CHODL: variants seen among roughly 807,000 people sequenced by gnomAD.
CHODL encodes chondrolectin.
Under a neutral mutation model 34.5 loss-of-function variants are expected in CHODL, and 29 were observed. The ratio of observed to expected loss-of-function variants is 0.84; its 90% CI spans 0.63 to 1.15. The LOEUF (loss-of-function observed/expected upper bound fraction) is 1.15. Among genes scored for constraint, CHODL ranks in the 50% most tolerant of loss-of-function variants. The pLI, the probability that CHODL is intolerant of heterozygous loss-of-function variation, is 0.00. For missense variants in CHODL, 332 were observed against 332.5 expected (o/e 1.00, Z 0.01); for synonymous variants, 125 against 116.1 (o/e 1.08, Z -0.49).
chr21:18,028,794 T>C (rs565353478), intron 2 of CHODL, among the ~76,000 whole-genome samples: 2 of 150,464 alleles, frequency 1.3e-5, no homozygotes, highest in East Asian at 3.9e-4. Context: ...ATCCAGCAAA[T>C]ATTTGTTGAA....
intron 2 of CHODL, among the ~76,000 whole-genome samples, chr21:18,126,049 C>A (rs2065539953): frequency 6.6e-6 from 1 of 152,172 alleles, no homozygotes; most frequent in Non-Finnish European, 1.5e-5. Context: ...ATAGTCCCAG[C>A]TATGCAGGAG....
At chr21:17,935,487 T>G (rs1174932378) in intron 1 of CHODL, among the ~76,000 whole-genome samples, 1 of 152,204 alleles carries the variant, frequency 6.6e-6, no homozygotes, top group Non-Finnish European at 1.5e-5. Flanking sequence ...GATGACTCTC[T>G]TCTGGTGTGC....
intron 2 of CHODL, among the ~76,000 whole-genome samples, chr21:18,065,344 A>G (rs149103468): frequency 6.6e-6 from 1 of 152,326 alleles, no homozygotes; most frequent in East Asian, 1.9e-4. Flanking sequence ...CTTGGACCAT[A>G]ACATGCACCA....
At position 18,262,792 on chromosome 21, in the gene CHODL, T is replaced by C. The variant is rs768113532; in HGVS notation, c.636T>C (p.Gly212=). 3 of 1,532,088 alleles carry C rather than the reference T, an allele frequency of 2.0e-6. No individual in the cohort carries two copies. The highest frequency in any genetic ancestry group is 3.4e-5 in the Admixed American group (2 of 59,696). The allele number at this position is 1,532,088 out of a possible 1,614,324, so 94.9% of individuals were successfully genotyped here. A position where few individuals can be genotyped will look rare whatever the true frequency, so the allele number is the denominator to read the frequency against. ...THQNVVVTEA[G]IIPNLIYVVI... is the part of the protein sequence containing the mutation. ...CATGAAGACTGTTTTATTTTGTAGG[T>C]ATAATTCCCAATCTAATTTATGTTG... The change falls in exon 5 of 6, where the codon GGT becomes GGC. Residue 212 remains glycine (G), a splice_region_variant and synonymous_variant. Transcript: ENST00000299295.
At chr21:18,158,723 A>G (rs946929260) in intron 2 of CHODL, among the ~76,000 whole-genome samples, 4 of 151,908 alleles carry the variant, frequency 2.6e-5, no homozygotes, top group African/African-American at 9.7e-5. Flanking sequence ...CTGTAATCCC[A>G]GCTACTCGGG....
chr21:18,152,047 T>C (rs1231516580), intron 2 of CHODL, among the ~76,000 whole-genome samples: 1 of 151,836 alleles, frequency 6.6e-6, no homozygotes, highest in Admixed American at 6.6e-5. Context: ...TGAATTTGTG[T>C]ATAACCTATC....
At chr21:17,920,450 C>T (rs989431777) in intron 1 of CHODL, among the ~76,000 whole-genome samples, 2 of 152,144 alleles carry the variant, frequency 1.3e-5, no homozygotes, top group Non-Finnish European at 2.9e-5. Context: ...TTGTGAGACT[C>T]ATTCACTATC....
At chr21:18,168,532 A>T (rs9978114) in intron 2 of CHODL, among the ~76,000 whole-genome samples, 2,623 of 152,290 alleles carry the variant, frequency 0.017, 68 homozygotes, top group African/African-American at 0.056. Flanking sequence ...TAATGATATT[A>T]GACATCTTAT....
At chr21:18,088,216 G>A (rs1310730764) in intron 2 of CHODL, among the ~76,000 whole-genome samples, 1 of 152,126 alleles carries the variant, frequency 6.6e-6, no homozygotes, top group Non-Finnish European at 1.5e-5. Flanking sequence ...GTCTCTCCTA[G>A]GCATGTAGTA....
chr21:18,193,420 G>T lies in CHODL; in HGVS notation c.-44-63089G>T, dbSNP rs563972964. 5.9e-5 allele frequency among the ~76,000 whole-genome samples: 9 copies of T among 152,182 alleles called. No individual in the cohort carries two copies. In the South Asian group the frequency reaches 1.9e-3, roughly 32 times the overall value. On this transcript the variant is annotated intron_variant, in intron 2 of 6. Transcript: ENST00000400127. Reference sequence around the variant, plus strand: ...CAACCTTAACAAATCCTTTGGCTAGGTGCGGTGGCTCACACCTGTAATCCC... The same window carrying T: ...CAACCTTAACAAATCCTTTGGCTAGTTGCGGTGGCTCACACCTGTAATCCC...
At chr21:18,171,804 T>C (rs2073235863) in intron 2 of CHODL, among the ~76,000 whole-genome samples, 1 of 149,500 alleles carries the variant, frequency 6.7e-6, no homozygotes, top group South Asian at 2.1e-4. Flanking sequence ...TTCTTTGTCA[T>C]ATGTGTCCAC....
intron 2 of CHODL, among the ~76,000 whole-genome samples, chr21:18,080,313 T>C (rs1344830650): frequency 2.0e-5 from 3 of 152,146 alleles, no homozygotes; most frequent in Non-Finnish European, 4.4e-5. Flanking sequence ...TTGTTTTGCT[T>C]GTCAGAAGCT....
At chr21:17,979,028 C>G (rs993918386) in intron 1 of CHODL, among the ~76,000 whole-genome samples, 24 of 152,120 alleles carry the variant, frequency 1.6e-4, no homozygotes, top group African/African-American at 5.6e-4. Context: ...CTTTTTCCAG[C>G]TGGAGAACAT....
chr21:18,048,820 C>T (rs111806589), intron 2 of CHODL, among the ~76,000 whole-genome samples: 1,710 of 152,026 alleles, frequency 0.011, 19 homozygotes, highest in Middle Eastern at 0.071. Context: ...CTCTGTCTGA[C>T]ATCCATCCTT....
chr21:17,986,663 C>T (rs1318729210), intron 1 of CHODL, among the ~76,000 whole-genome samples: 4 of 152,186 alleles, frequency 2.6e-5, no homozygotes, highest in Admixed American at 6.5e-5. Context: ...GATTTATAAT[C>T]GTTTGTGTAT....
chr21:18,107,279 G>A (rs890804141), intron 2 of CHODL, among the ~76,000 whole-genome samples: 8 of 152,190 alleles, frequency 5.3e-5, no homozygotes, highest in African/African-American at 1.9e-4. Context: ...CTCTTCATGG[G>A]AGCAAATAAA....
intron 2 of CHODL, among the ~76,000 whole-genome samples, chr21:18,169,874 T>A (rs1250088780): frequency 6.6e-6 from 1 of 152,066 alleles, no homozygotes; most frequent in Non-Finnish European, 1.5e-5. Context: ...GGTTTGTTAT[T>A]TGGGAGTGTG....
At chr21:18,211,141 T>TACCC (rs1555882923) in intron 2 of CHODL, among the ~76,000 whole-genome samples, 1 of 148,686 alleles carries the variant, frequency 6.7e-6, no homozygotes, top group Admixed American at 6.7e-5. Context: ...TACACATGGA[T>TACCC]ACACACACAC....
intron 2 of CHODL, among the ~76,000 whole-genome samples, chr21:18,126,652 T>C (rs893749968): frequency 6.6e-6 from 1 of 152,094 alleles, no homozygotes; most frequent in African/African-American, 2.4e-5. Flanking sequence ...CACAATGATA[T>C]ATTACTAGGG....
Sources: gnomAD v4.1 joint callset for allele counts (sites outside exome capture counted in the v4.1 genomes callset) on GRCh38, gnomAD v4.1.1 for gene constraint, MANE v1.5 for transcripts, NCBI Gene and HGNC (gene_info 2026-07-23, HGNC 2026-07-21) for gene names.